Variants in ANK3 observed in about 807,000 individuals in gnomAD.
ANK3 encodes ankyrin-3.
Under a neutral mutation model 370.9 loss-of-function variants are expected in ANK3, and 57 were observed. That is an observed-to-expected ratio of 0.15 (90% CI 0.12 to 0.19). ANK3 has a LOEUF of 0.19. Among genes scored for constraint, ANK3 ranks in the 10% least tolerant of loss-of-function variants. ANK3 has a pLI of 1.00. For synonymous variants in ANK3, 1,929 were observed against 1,946.3 expected, an observed-to-expected ratio of 0.99 and a Z score of 0.23; for missense variants, 4,439 against 5,302.1, an observed-to-expected ratio of 0.84 and a Z score of 5.06.
chr10:60,337,904 C>A (rs2053390690), intron 1 of ANK3, among the ~76,000 whole-genome samples: 2 of 152,180 alleles, frequency 1.3e-5, no homozygotes, highest in Admixed American at 6.5e-5. Flanking sequence ...AGTGAAGAAG[C>A]ATTGAATTTA....
chr10:60,279,450 A>G (rs2098132479), intron 2 of ANK3, 88 bp downstream of exon 2: 1 of 1,053,954 alleles, frequency 9.5e-7, no homozygotes, highest in Admixed American at 2.3e-5. Context: ...ATGGAAAAAA[A>G]CCCCACAAAT....
At chr10:60,697,403 C>T (rs1266384555) in intron 1 of ANK3, among the ~76,000 whole-genome samples, 1 of 151,012 alleles carries the variant, frequency 6.6e-6, no homozygotes, top group Non-Finnish European at 1.5e-5. Context: ...GAAAAAACTA[C>T]TTTAAAGTTC....
chr10:60,260,032 C>T (rs868855716), intron 7 of ANK3, among the ~76,000 whole-genome samples: 3 of 152,304 alleles, frequency 2.0e-5, no homozygotes, highest in Admixed American at 6.5e-5. Flanking sequence ...TGAAGGCTTT[C>T]GGCAAGCTCA....
At chr10:60,042,267 C>T (rs534617015) in intron 43 of ANK3, among the ~76,000 whole-genome samples, 3 of 152,256 alleles carry the variant, frequency 2.0e-5, no homozygotes, top group South Asian at 4.1e-4. Flanking sequence ...CCTCAGATGC[C>T]GTTCTGCTAA....
At chr10:60,409,139 G>T (rs1478910923) in intron 2 of ANK3, among the ~76,000 whole-genome samples, 1 of 152,130 alleles carries the variant, frequency 6.6e-6, no homozygotes, top group Admixed American at 6.5e-5. Context: ...TGCAGTGAGG[G>T]TTACAGCTGA....
intron 8 of ANK3, among the ~76,000 whole-genome samples, chr10:60,226,470 GTA>G (rs1384642670): frequency 1.1e-4 from 10 of 91,182 alleles, no homozygotes; most frequent in Non-Finnish European, 9.1e-5. Context: ...TATATACATA[GTA>G]TATATACTAT....
intron 2 of ANK3, among the ~76,000 whole-genome samples, chr10:60,598,652 T>C (rs1197103314): frequency 6.6e-6 from 1 of 152,200 alleles, no homozygotes; most frequent in East Asian, 1.9e-4. Flanking sequence ...TATCAAAAAG[T>C]ATTTTGCATG....
intron 1 of ANK3, among the ~76,000 whole-genome samples, chr10:60,644,681 C>T (rs190051501): frequency 8.3e-4 from 126 of 152,112 alleles, no homozygotes; most frequent in Admixed American, 3.3e-3. Context: ...CCTCTTCAAC[C>T]TCCCCTTCCT....
chr10:60,342,286 T>C (rs2132985897), intron 1 of ANK3, among the ~76,000 whole-genome samples: 1 of 152,310 alleles, frequency 6.6e-6, no homozygotes, highest in Admixed American at 6.5e-5. Flanking sequence ...AATTCGGATA[T>C]TGAATCATAA....
intron 2 of ANK3, among the ~76,000 whole-genome samples, chr10:60,433,709 G>A (rs2064089374): frequency 6.6e-6 from 1 of 152,142 alleles, no homozygotes; most frequent in Non-Finnish European, 1.5e-5. Flanking sequence ...CAGGAAGAAG[G>A]CTTGAAATAA....
chr10:60,168,769 C>T lies in ANK3; in HGVS notation c.2479-1873G>A, dbSNP rs562388013. On this transcript the variant is annotated intron_variant, in intron 21 of 43. Coordinates refer to ENST00000280772, the MANE Select transcript of ANK3 (RefSeq NM_020987.5). Reference sequence around the variant, plus strand: ...TCCACGTGGTCTTATTGTTCAGCTCCCACTTGTAAGTGAGAACATGTGGTG... The same window carrying T: ...TCCACGTGGTCTTATTGTTCAGCTCTCACTTGTAAGTGAGAACATGTGGTG... Among the ~76,000 whole-genome samples the T allele has an allele frequency of 3.8e-3, 585 of 152,264 alleles. 3 individuals are homozygous for T. The highest frequency in any genetic ancestry group is 9.4e-3 in the South Asian group (45 of 4,806).
intron 1 of ANK3, among the ~76,000 whole-genome samples, chr10:60,678,295 G>A (rs1319345413): frequency 6.6e-6 from 1 of 152,156 alleles, no homozygotes; most frequent in Non-Finnish European, 1.5e-5. Context: ...ATCGTATGCT[G>A]ACTGTTGTAT....
chr10:60,529,848 A>T (rs1197448718), intron 2 of ANK3, among the ~76,000 whole-genome samples: 1 of 152,174 alleles, frequency 6.6e-6, no homozygotes, highest in Non-Finnish European at 1.5e-5. Flanking sequence ...TTTTCAAAGG[A>T]CTTATTTAAA....
At chr10:60,554,804 A>G (rs2077171228) in intron 2 of ANK3, among the ~76,000 whole-genome samples, 1 of 152,238 alleles carries the variant, frequency 6.6e-6, no homozygotes. Flanking sequence ...CCTGATAATT[A>G]TACACAGTTT....
At chr10:60,305,013 C>T (rs1043171260) in intron 1 of ANK3, among the ~76,000 whole-genome samples, 1 of 152,190 alleles carries the variant, frequency 6.6e-6, no homozygotes, top group African/African-American at 2.4e-5. Context: ...TCTGATCTGC[C>T]TGTGGCAGGC....
At chr10:60,670,315 T>C (rs1451100352) in intron 1 of ANK3, among the ~76,000 whole-genome samples, 1 of 151,950 alleles carries the variant, frequency 6.6e-6, no homozygotes, top group Non-Finnish European at 1.5e-5. Flanking sequence ...CTGCTAGTCT[T>C]CCTCATCTCC....
At chr10:60,138,405 C>T (rs559605369) in intron 24 of ANK3, 1 of 317,586 alleles carries the variant, frequency 3.1e-6, no homozygotes, top group East Asian at 4.8e-5. Context: ...CTGTCTGTGA[C>T]TTTTGGTAAA....
chr10:60,698,928 A>G (rs1448764170), intron 1 of ANK3, among the ~76,000 whole-genome samples: 11 of 150,722 alleles, frequency 7.3e-5, no homozygotes, highest in Admixed American at 5.3e-4. Flanking sequence ...AATAAAGAAA[A>G]ATAAATAAAT....
At chr10:60,417,485 T>C (rs2063692630) in intron 2 of ANK3, among the ~76,000 whole-genome samples, 1 of 152,206 alleles carries the variant, frequency 6.6e-6, no homozygotes, top group Non-Finnish European at 1.5e-5. Flanking sequence ...AGGTTGGTGT[T>C]TTATAAAATA....
Sources: allele counts gnomAD v4.1 joint callset (sites outside exome capture counted in the v4.1 genomes callset), GRCh38; gene constraint gnomAD v4.1.1; transcripts MANE v1.5; gene names NCBI Gene and HGNC (gene_info 2026-07-23, HGNC 2026-07-21).